The following PHKA1 variants were observed in gnomAD, a reference collection of about 807,000 sequenced individuals.
PHKA1 encodes phosphorylase b kinase regulatory subunit alpha, skeletal muscle isoform.
Under a neutral mutation model 110.2 loss-of-function variants are expected in PHKA1, and 60 were observed. The ratio of observed to expected loss-of-function variants is 0.54; its 90% CI spans 0.44 to 0.68. The LOEUF (loss-of-function observed/expected upper bound fraction) is 0.68, where lower values mean the gene tolerates loss of function less well. Ranked by LOEUF, PHKA1 falls within the 30% of genes least tolerant of loss-of-function variation. The pLI, the probability that PHKA1 is intolerant of heterozygous loss-of-function variation, is 0.00. For synonymous variants in PHKA1, 316 were observed against 333.6 expected (o/e 0.95, Z 0.58); for missense variants, 801 against 942.5 (o/e 0.85, Z 1.97).
At chrX:72,710,467 A>G (rs1556334107) in intron 2 of PHKA1, among the ~76,000 whole-genome samples, 1 of 112,340 alleles carries the variant, frequency 8.9e-6, no homozygotes, top group African/African-American at 3.2e-5. Context: ...AGAGCTGAGT[A>G]GTTAGATAGA....
intron 8 of PHKA1, among the ~76,000 whole-genome samples, chrX:72,659,288 CT>C (rs1481017646): frequency 9.0e-6 from 1 of 111,511 alleles, no homozygotes; most frequent in Non-Finnish European, 1.9e-5. Context: ...ATGTTCCATA[CT>C]TTTCTGAGTA....
chrX:72,583,511 C>T (rs2052367954), intron 30 of PHKA1, among the ~76,000 whole-genome samples: 1 of 111,392 alleles, frequency 9.0e-6, no homozygotes, highest in African/African-American at 3.3e-5. Flanking sequence ...ATAGTGAAGC[C>T]CTGAAGCATA....
In PHKA1 at chrX:72,667,376, TG is replaced by T; in HGVS notation, c.715del (p.Gln239SerfsTer4). 8.4e-7 allele frequency: 1 copy of T among 1,189,720 alleles called. No individual in the cohort carries two copies. Among genetic ancestry groups the T allele is most frequent in the Non-Finnish European group, 1.1e-6 (1 of 875,503 alleles). On this transcript the variant is annotated frameshift_variant and splice_region_variant, in exon 7 of 32. Coordinates refer to ENST00000373542, the MANE Select transcript of PHKA1 (RefSeq NM_002637.4). LOFTEE classifies it high-confidence loss of function. ...TTTCCATTTTCCATAATATTTTACC[TG>T]GCAGTGCTGTACTTCATCAGCCAGG... ...HVLADEVQHC[Q>X]SILNSLLPRA...
At chrX:72,665,266 A>G (rs2053604935) in intron 8 of PHKA1, among the ~76,000 whole-genome samples, 2 of 112,068 alleles carry the variant, frequency 1.8e-5, no homozygotes, top group African/African-American at 3.2e-5. Flanking sequence ...ATCAAAAAGT[A>G]TATGCCAAGA....
chrX:72,650,231 G>A (rs1556298518), intron 13 of PHKA1, among the ~76,000 whole-genome samples, 159 bp downstream of exon 13: 1 of 111,708 alleles, frequency 9.0e-6, no homozygotes, highest in Non-Finnish European at 1.9e-5. Context: ...AAGATAACCA[G>A]CATTTTGAAA....
chrX:72,677,842 A>C (rs1204423936), intron 5 of PHKA1, among the ~76,000 whole-genome samples: 1 of 110,555 alleles, frequency 9.0e-6, no homozygotes, highest in African/African-American at 3.3e-5. Flanking sequence ...ACTTGAGCCC[A>C]GGAGTTCGAG....
intron 16 of PHKA1, among the ~76,000 whole-genome samples, chrX:72,627,378 G>C (rs1224315588): frequency 8.9e-6 from 1 of 112,239 alleles, no homozygotes; most frequent in African/African-American, 3.2e-5. Flanking sequence ...ACTACTTGTT[G>C]AATGTTATGT....
chrX:72,608,924 T>C (rs1458700128), intron 23 of PHKA1, among the ~76,000 whole-genome samples: 1 of 112,328 alleles, frequency 8.9e-6, no homozygotes, highest in Admixed American at 9.4e-5. Context: ...TTAGAATCTC[T>C]CTAAAAATAT....
intron 15 of PHKA1, among the ~76,000 whole-genome samples, chrX:72,635,807 T>C (rs1338925920): frequency 5.4e-5 from 6 of 111,997 alleles, no homozygotes. Context: ...ATGTAGCTAA[T>C]AAACATCAGG....
chrX:72,656,062 A>G, intron 10 of PHKA1, 58 bp downstream of exon 10: 1 of 1,171,185 alleles, frequency 8.5e-7, no homozygotes, highest in Non-Finnish European at 1.2e-6. Context: ...GTATACTATT[A>G]GCTGTAAGAA....
At chrX:72,665,946 T>C (rs1181096805) in intron 8 of PHKA1, among the ~76,000 whole-genome samples, 1 of 111,895 alleles carries the variant, frequency 8.9e-6, no homozygotes, top group Non-Finnish European at 1.9e-5. Flanking sequence ...TGCCAAACTG[T>C]TTTCTAAAGT....
chrX:72,703,401 A>G (rs2054232415), intron 3 of PHKA1, among the ~76,000 whole-genome samples: 1 of 112,343 alleles, frequency 8.9e-6, no homozygotes, highest in Non-Finnish European at 1.9e-5. Flanking sequence ...AATATTGGCC[A>G]GGCAAGGTGG....
Position 72,602,005 on chromosome X carries a change from A to C in PHKA1, c.3058T>G (p.Ser1020Ala). 5.8e-6 allele frequency: 7 copies of C among 1,200,138 alleles called. No homozygotes were observed. The highest frequency in any genetic ancestry group is 7.9e-6 in the Non-Finnish European group (7 of 885,759). The change falls in exon 28 of 32, where the codon TCA becomes GCA. Residue 1020 changes from serine (S) to alanine (A), a missense_variant. Physicochemically the swap from Ser to Ala is moderately conservative, Grantham distance 99. This residue lies in a region of PHKA1 where 502 missense variants were observed against 519.2 expected (regional missense o/e 0.97). Coordinates refer to ENST00000373542, the MANE Select transcript of PHKA1 (RefSeq NM_002637.4). ...KQVEFRRLSI[S>A]AESQSPGTSM... Reference sequence around the variant, plus strand: ...AGTTGTTTCACCTGACTCTCAGCTGAGATTGACAGTCTACGAAATTCCACC... The same window carrying C: ...AGTTGTTTCACCTGACTCTCAGCTGCGATTGACAGTCTACGAAATTCCACC...
intron 17 of PHKA1, among the ~76,000 whole-genome samples, chrX:72,623,578 A>T (rs113576654): frequency 9.0e-6 from 1 of 110,949 alleles, no homozygotes; most frequent in Admixed American, 9.6e-5. Flanking sequence ...TCTGGTAAAA[A>T]TTTGCATTGG....
Position 72,609,632 on chromosome X carries a change from A to T in PHKA1, c.2598T>A (p.Thr866=). The change falls in exon 23 of 32, where the codon ACT becomes ACA. Residue 866 remains threonine, a synonymous_variant. Coordinates refer to ENST00000373542, the MANE Select transcript of PHKA1 (RefSeq NM_002637.4). ...VGLPPEPREK[T]ISAPLPYEAL... is the part of the protein sequence containing the mutation. The stretch of plus-strand genomic sequence containing the variant: ...AACCCAGCCATACTCACGCAGAGAT[A>T]GTCTTTTCTCGAGGTTCTGGAGGAA... The T allele has an allele frequency of 8.4e-7, 1 of 1,197,522 alleles. No individual in the cohort carries two copies. Among genetic ancestry groups the T allele is most frequent in the Non-Finnish European group, 1.1e-6 (1 of 882,539 alleles).
chrX:72,610,432 T>C (rs1375077175), intron 22 of PHKA1, among the ~76,000 whole-genome samples: 4 of 111,873 alleles, frequency 3.6e-5, no homozygotes, highest in African/African-American at 1.3e-4. Flanking sequence ...TCCATTCATG[T>C]TACTGTAAAT....
chrX:72,711,311 C>T (rs979960511), intron 2 of PHKA1, among the ~76,000 whole-genome samples: 7 of 111,922 alleles, frequency 6.3e-5, no homozygotes, highest in Non-Finnish European at 9.4e-5. Context: ...GTAAAAATAG[C>T]AACAAACAAA....
At chrX:72,612,357 G>A (rs1363162448) in intron 21 of PHKA1, among the ~76,000 whole-genome samples, 1 of 111,851 alleles carries the variant, frequency 8.9e-6, no homozygotes, top group Non-Finnish European at 1.9e-5. Flanking sequence ...TAAAGGAAGT[G>A]GGGCTTCTTT....
intron 3 of PHKA1, 99 bp downstream of exon 3, chrX:72,705,099 G>T: frequency 1.4e-6 from 1 of 695,293 alleles, no homozygotes; most frequent in East Asian, 3.9e-5. Context: ...TACTATTTGT[G>T]AAACTGAAAG....
Sources: allele counts gnomAD v4.1 joint callset (sites outside exome capture counted in the v4.1 genomes callset), GRCh38; gene constraint gnomAD v4.1.1; regional missense constraint gnomAD v4.1.1; transcripts MANE v1.5; gene names NCBI Gene and HGNC (gene_info 2026-07-23, HGNC 2026-07-21).